NTHL1: variants seen among roughly 807,000 people sequenced by gnomAD.
NTHL1 encodes nth like DNA glycosylase 1, also known as endonuclease III-like protein 1.
NTHL1 carries 32 observed loss-of-function variants against 32.3 expected under a neutral mutation model. That is an observed-to-expected ratio of 0.99 (90% CI 0.75 to 1.33). The LOEUF (loss-of-function observed/expected upper bound fraction) is 1.33. NTHL1 is among the 40% of genes most tolerant of loss of function. NTHL1 has a pLI of 0.00. For missense variants in NTHL1, 501 were observed against 414.1 expected, an observed-to-expected ratio of 1.21 and a Z score of -1.82; for synonymous variants, 188 against 176.9, an observed-to-expected ratio of 1.06 and a Z score of -0.50.
intron 4 of NTHL1, chr16:2,041,918 A>G (rs1395594933): frequency 1.3e-5 from 5 of 397,060 alleles, no homozygotes; most frequent in Non-Finnish European, 2.5e-5. Flanking sequence ...ACACCCGGCT[A>G]ATTTTTGTAT....
chr16:2,042,810 A>T (rs1596218568), intron 4 of NTHL1, among the ~76,000 whole-genome samples: 2 of 26,980 alleles, frequency 7.4e-5, no homozygotes, highest in Admixed American at 4.7e-4. Context: ...CTCCCTCTCA[A>T]CCCTCCCCTC....
rs1596219280 is a variant in NTHL1 at position 2,043,591 on chromosome 16, C to T, written c.661G>A (p.Ala221Thr). ...PKMAHLAMAVAWGTVSGIAVD... is the reference protein window; with the variant it reads ...PKMAHLAMAVTWGTVSGIAVD... ...CCAATGCCTGACACAGTGCCCCAGG[C>T]CACAGCCATAGCCAGGTGTGCCATC... is the stretch of plus-strand genomic sequence containing the variant. The change falls in exon 4 of 6, where the codon GCC (alanine) becomes ACC (threonine). Residue 221 changes from alanine (A) to threonine (T), a missense_variant. By Grantham distance (58) the Ala-to-Thr change is moderately conservative (BLOSUM62 0). Coordinates refer to ENST00000651570, the MANE Select transcript of NTHL1 (RefSeq NM_002528.7). The surrounding 1 kb of genome is among the most constrained non-coding windows in gnomAD (Gnocchi z 4.4). The T allele has an allele frequency of 6.2e-7, 1 of 1,608,956 alleles. No homozygotes were observed. Among genetic ancestry groups the T allele is most frequent in the Non-Finnish European group, 8.5e-7 (1 of 1,179,962 alleles).
chr16:2,039,957 G>C lies in NTHL1; in HGVS notation c.882C>G (p.Asn294Lys), dbSNP rs759356343. Residue 294 changes from asparagine to lysine, a missense_variant, in exon 6 of 6, where the codon AAC becomes AAG. Physicochemically the swap from Asn to Lys is moderately conservative, Grantham distance 94 (BLOSUM62 0). Coordinates refer to ENST00000651570, the MANE Select transcript of NTHL1 (RefSeq NM_002528.7). The part of the protein sequence containing the change: ...PVHPRCHACL[N>K]QALCPAAQGL Reference sequence around the variant, plus strand: ...CCTGGGCGGCCGGGCAGAGGGCTTGGTTGAGGCAGGCGTGGCAGCGAGGGT... The same window carrying C: ...CCTGGGCGGCCGGGCAGAGGGCTTGCTTGAGGCAGGCGTGGCAGCGAGGGT... 4 of 1,606,880 alleles carry C rather than the reference G, an allele frequency of 2.5e-6. No homozygotes were observed. Among genetic ancestry groups the C allele is most frequent in the African/African-American group, 1.3e-5 (1 of 75,054 alleles).
chr16:2,044,497 G>GC lies in NTHL1; in HGVS notation c.525+132_525+133insG. On this transcript the variant is annotated intron_variant, in intron 3 of 5. Transcript: ENST00000651570. The surrounding 1 kb of genome is among the most constrained non-coding windows in gnomAD (Gnocchi z 5.0). Reference sequence around the variant, plus strand: ...GGCCTCAGGGCCCCACGGCCTGGGGGGGGCTTCAGGGGGACCCCCCGAGCC... The same window carrying GC: ...GGCCTCAGGGCCCCACGGCCTGGGGGCGGGCTTCAGGGGGACCCCCCGAGCC... 8.6e-7 allele frequency: 1 copy of GC among 1,163,096 alleles called. No individual in the cohort carries two copies. Among genetic ancestry groups the GC allele is most frequent in the South Asian group, 1.3e-5 (1 of 77,472 alleles). 72.0% of individuals were successfully genotyped at this position (1,163,096 alleles called of 1,614,324 possible). A position where few individuals can be genotyped will look rare whatever the true frequency, so the allele number is the denominator to read the frequency against.
Position 2,044,027 on chromosome 16 carries a change from C to T in NTHL1, c.526-301G>A. The T allele has an allele frequency of 2.1e-6, 1 of 469,064 alleles. No homozygotes were observed. The highest frequency in any genetic ancestry group is 3.9e-6 in the Non-Finnish European group (1 of 253,748). 29.1% of individuals were successfully genotyped at this position (469,064 alleles called of 1,614,324 possible). ...GCCAGGCCAAGCAGGCCAGCCGCTC[C>T]CAGGAGTGGGGCTTGGCTGCACCTG... is the stretch of plus-strand genomic sequence containing the variant. On this transcript the variant is annotated intron_variant, in intron 3 of 5. Transcript: ENST00000651570. This position sits in a 1 kb window ranked among gnomAD's most constrained non-coding sequence, Gnocchi z 5.0.
At chr16:2,042,087 C>A (rs750587212) in intron 4 of NTHL1, 1 of 455,846 alleles carries the variant, frequency 2.2e-6, no homozygotes, top group Non-Finnish European at 4.4e-6. Flanking sequence ...GTTTCTCTTT[C>A]GGGGAACCCC....
rs1057270844 is a variant in NTHL1, at chr16:2,044,574, T to C, written c.525+56A>G. 1.1e-5 allele frequency: 17 copies of C among 1,594,564 alleles called. No homozygotes were observed. In the South Asian group the frequency reaches 1.8e-4, roughly 17 times the overall value. On this transcript the variant is annotated intron_variant, in intron 3 of 5. Transcript: ENST00000651570. The surrounding 1 kb of genome is among the most constrained non-coding windows in gnomAD (Gnocchi z 5.0). ...ACCGTCGCCACCCCCCTCAGCCTTC[T>C]GAGGTCTCTCTCAGGCCACTGCCAC... is the stretch of plus-strand genomic sequence containing the variant.
chr16:2,044,840 C>T lies in NTHL1; in HGVS notation c.355-40G>A, dbSNP rs1346760253. ...ACAGGGACCGGGGTGGCGGCGGGTC[C>T]TGGGTGATTCCCTGGCCAGGCTCCG... is the stretch of plus-strand genomic sequence containing the variant. On this transcript the variant is annotated intron_variant, in intron 2 of 5. Transcript: ENST00000651570. The surrounding 1 kb of genome is among the most constrained non-coding windows in gnomAD (Gnocchi z 5.0). 1 of 1,540,636 alleles carries T rather than the reference C, an allele frequency of 6.5e-7. No homozygotes were observed. The highest frequency in any genetic ancestry group is 1.9e-5 in the Admixed American group (1 of 51,920).
intron 4 of NTHL1, among the ~76,000 whole-genome samples, chr16:2,041,178 G>A (rs1430236579): frequency 6.6e-6 from 1 of 152,262 alleles, no homozygotes; most frequent in Non-Finnish European, 1.5e-5. Context: ...GTCCGAGGGT[G>A]TGGGGAGACC....
In NTHL1 at chr16:2,043,457, G is replaced by A. The variant is rs1399088211; in HGVS notation, c.685+110C>T. ...CCTGGGAGCACCTTTCTGACTCTAT[G>A]GGCTGGGTGGAGGACCAGCATGCTG... On this transcript the variant is annotated intron_variant, in intron 4 of 5. Coordinates refer to ENST00000651570, the MANE Select transcript of NTHL1 (RefSeq NM_002528.7). The surrounding 1 kb of genome is among the most constrained non-coding windows in gnomAD (Gnocchi z 4.4). 2 of 1,474,220 alleles carry A rather than the reference G, an allele frequency of 1.4e-6. No individual in the cohort carries two copies. Among genetic ancestry groups the A allele is most frequent in the Non-Finnish European group, 1.8e-6 (2 of 1,082,314 alleles). 91.3% of individuals were successfully genotyped at this position (1,474,220 alleles called of 1,614,324 possible).
intron 4 of NTHL1, chr16:2,042,265 AC>A: frequency 2.8e-6 from 1 of 361,484 alleles, no homozygotes; most frequent in Non-Finnish European, 5.5e-6. Flanking sequence ...ACGATGCAGC[AC>A]CCCAGGGACA....
chr16:2,040,458 T>A (rs371122616), intron 4 of NTHL1: 1 of 616,532 alleles, frequency 1.6e-6, no homozygotes, highest in Non-Finnish European at 2.9e-6. Context: ...CTCTCTCCCA[T>A]CACCTGAGCC....
In NTHL1 at chr16:2,040,119, C is replaced by T. The variant is rs1424497453; in HGVS notation, c.791+14G>A. On this transcript the variant is annotated intron_variant, in intron 5 of 5. Coordinates refer to ENST00000651570, the MANE Select transcript of NTHL1 (RefSeq NM_002528.7). ...TGAGCTCTTCTCCCTAGGAAGCCCC[C>T]CACATACTCATACCTAGGCAGCCAC... 1.2e-6 allele frequency: 2 copies of T among 1,613,224 alleles called. No individual in the cohort carries two copies. The highest frequency in any genetic ancestry group is 2.2e-5 in the East Asian group (1 of 44,888).
At chr16:2,047,628 A>C (rs972513841) in intron 1 of NTHL1, 81 bp downstream of exon 1, 4 of 1,497,820 alleles carry the variant, frequency 2.7e-6, no homozygotes, top group Non-Finnish European at 3.6e-6. Flanking sequence ...CGCAGCTGGG[A>C]GCCGCAGGAG....
At chr16:2,041,417 C>A (rs765116118) in intron 4 of NTHL1, among the ~76,000 whole-genome samples, 5 of 152,022 alleles carry the variant, frequency 3.3e-5, no homozygotes, top group Non-Finnish European at 7.4e-5. Flanking sequence ...GAGCTGGGAC[C>A]GGAGCCAGCA....
intron 1 of NTHL1, 158 bp downstream of exon 1, chr16:2,047,551 G>T: frequency 3.2e-6 from 4 of 1,233,542 alleles, no homozygotes; most frequent in South Asian, 1.6e-5. Context: ...GGAAAAAGGC[G>T]CAAGGTGGGA....
intron 4 of NTHL1, chr16:2,041,920 T>G (rs2084273057): frequency 2.5e-6 from 1 of 399,984 alleles, no homozygotes; most frequent in Non-Finnish European, 5.0e-6. Flanking sequence ...ACCCGGCTAA[T>G]TTTTGTATTT....
intron 4 of NTHL1, chr16:2,042,027 A>G: frequency 6.6e-6 from 3 of 455,942 alleles, no homozygotes; most frequent in Non-Finnish European, 8.8e-6. Context: ...TGCTGGGATT[A>G]CAGGCTTGAG....
intron 1 of NTHL1, chr16:2,047,479 G>A (rs1200689501): frequency 1.0e-5 from 7 of 669,992 alleles, no homozygotes; most frequent in Non-Finnish European, 1.7e-5. Flanking sequence ...TTCTTGCTTG[G>A]GGCGAAAGGG....
Sources: allele counts gnomAD v4.1 joint callset (sites outside exome capture counted in the v4.1 genomes callset), GRCh38; gene constraint gnomAD v4.1.1; non-coding constraint Gnocchi (gnomAD v3.1); transcripts MANE v1.5; gene names NCBI Gene and HGNC (gene_info 2026-07-23, HGNC 2026-07-21).